The following CLSTN2 variants were observed in gnomAD, a reference collection of about 807,000 sequenced individuals.
CLSTN2 encodes the protein calsyntenin-2.
CLSTN2 carries 48 observed loss-of-function variants against 101.2 expected under a neutral mutation model. That is an observed-to-expected ratio of 0.47 (90% CI 0.38 to 0.60). CLSTN2 has a LOEUF of 0.60. CLSTN2 is among the 20% of genes least tolerant of loss of function. The pLI is 0.00. For synonymous variants in CLSTN2, 481 were observed against 463.6 expected, an observed-to-expected ratio of 1.04 and a Z score of -0.48; for missense variants, 1,160 against 1,238.2, an observed-to-expected ratio of 0.94 and a Z score of 0.95.
chr3:140,169,028 T>G (rs1403664659), intron 1 of CLSTN2, among the ~76,000 whole-genome samples: 1 of 152,124 alleles, frequency 6.6e-6, no homozygotes, highest in African/African-American at 2.4e-5. Flanking sequence ...CTTTCAGAAA[T>G]CCTGCTGGTA....
At chr3:140,324,318 A>G (rs545382313) in intron 2 of CLSTN2, among the ~76,000 whole-genome samples, 9 of 152,362 alleles carry the variant, frequency 5.9e-5, no homozygotes, top group African/African-American at 2.2e-4. Flanking sequence ...AGAAATAATT[A>G]AACAGTCCAT....
intron 1 of CLSTN2, among the ~76,000 whole-genome samples, chr3:139,947,711 T>C (rs775420301): frequency 6.6e-6 from 1 of 152,232 alleles, no homozygotes; most frequent in Non-Finnish European, 1.5e-5. Flanking sequence ...ATTTTGACTT[T>C]ATTGTGCTAT....
At chr3:140,118,415 C>T (rs938712801) in intron 1 of CLSTN2, among the ~76,000 whole-genome samples, 12 of 152,030 alleles carry the variant, frequency 7.9e-5, no homozygotes, top group South Asian at 4.2e-4. Context: ...CAGTGCTTCA[C>T]GATTTGGTCT....
At chr3:140,137,464 G>C (rs912243822) in intron 1 of CLSTN2, among the ~76,000 whole-genome samples, 1 of 151,950 alleles carries the variant, frequency 6.6e-6, no homozygotes, top group Non-Finnish European at 1.5e-5. Flanking sequence ...CATAGTTCTC[G>C]CTCTGTGCTT....
In CLSTN2 at chr3:140,217,725, G is replaced by T. The variant is rs188923330; in HGVS notation, c.232+41652G>T. ...TTCCCTTCCCTTTGGTTTTCTCCCA[G>T]TCAGCTGCTTCTAGAGCAAAGGGGG... On this transcript the variant is annotated intron_variant, in intron 2 of 16. Transcript: ENST00000458420. Among the ~76,000 whole-genome samples the T allele has an allele frequency of 8.5e-5, 13 of 152,262 alleles. No homozygotes were observed. In the East Asian group the frequency reaches 2.5e-3, roughly 29 times the overall value.
At chr3:140,139,013 T>C (rs1419954098) in intron 1 of CLSTN2, among the ~76,000 whole-genome samples, 5 of 152,244 alleles carry the variant, frequency 3.3e-5, no homozygotes, top group African/African-American at 1.2e-4. Flanking sequence ...AAATTAATTA[T>C]TTCTGTCACC....
intron 2 of CLSTN2, among the ~76,000 whole-genome samples, chr3:140,350,387 C>T (rs1307267833): frequency 2.6e-5 from 4 of 152,152 alleles, no homozygotes; most frequent in Non-Finnish European, 5.9e-5. Flanking sequence ...AAAGCTTTGC[C>T]ATGGCCATTG....
intron 7 of CLSTN2, among the ~76,000 whole-genome samples, 158 bp from the exon 8 acceptor site, chr3:140,466,452 G>A (rs533657): frequency 0.29 from 44,738 of 151,950 alleles, 6,736 homozygotes; most frequent in Admixed American, 0.38. Context: ...TATCATGTGC[G>A]TTATAGAACT....
At chr3:140,234,791 T>C (rs2086402371) in intron 2 of CLSTN2, among the ~76,000 whole-genome samples, 1 of 152,322 alleles carries the variant, frequency 6.6e-6, no homozygotes, top group East Asian at 1.9e-4. Context: ...GGTCTCCTTA[T>C]TGCTCCGTGT....
intron 1 of CLSTN2, among the ~76,000 whole-genome samples, chr3:139,989,691 C>T (rs1936086150): frequency 6.6e-6 from 1 of 152,234 alleles, no homozygotes; most frequent in African/African-American, 2.4e-5. Context: ...CTGAGCCTTA[C>T]TGTGTCTGTA....
chr3:140,294,517 T>A (rs1234377228), intron 2 of CLSTN2, among the ~76,000 whole-genome samples: 2 of 151,614 alleles, frequency 1.3e-5, no homozygotes, highest in East Asian at 3.9e-4. Context: ...CTGCTTCCTC[T>A]GCTTCCATTT....
At chr3:140,335,862 T>C (rs2087434633) in intron 2 of CLSTN2, among the ~76,000 whole-genome samples, 2 of 152,266 alleles carry the variant, frequency 1.3e-5, no homozygotes, top group East Asian at 3.9e-4. Flanking sequence ...GCTGTGTGCA[T>C]GTGTATGGCA....
intron 2 of CLSTN2, among the ~76,000 whole-genome samples, chr3:140,290,991 C>A (rs759408839): frequency 6.6e-6 from 1 of 152,138 alleles, no homozygotes; most frequent in Non-Finnish European, 1.5e-5. Context: ...TTAAAAACAA[C>A]ATAAAATTTA....
At chr3:140,029,269 T>A (rs2007496688) in intron 1 of CLSTN2, among the ~76,000 whole-genome samples, 1 of 152,200 alleles carries the variant, frequency 6.6e-6, no homozygotes. Flanking sequence ...TAAATGGAGG[T>A]TTTATGAAAA....
intron 1 of CLSTN2, among the ~76,000 whole-genome samples, chr3:139,955,803 G>C (rs1019878523): frequency 1.3e-5 from 2 of 152,178 alleles, no homozygotes; most frequent in African/African-American, 4.8e-5. Context: ...GGATGGATAG[G>C]GGACATTCGT....
chr3:140,324,855 T>A (rs1437912609), intron 2 of CLSTN2, among the ~76,000 whole-genome samples: 2 of 152,156 alleles, frequency 1.3e-5, no homozygotes, highest in African/African-American at 4.8e-5. Context: ...TGAGAACAGG[T>A]TATATAAACT....
At chr3:140,310,520 G>T (rs1306288824) in intron 2 of CLSTN2, among the ~76,000 whole-genome samples, 1 of 152,122 alleles carries the variant, frequency 6.6e-6, no homozygotes, top group Non-Finnish European at 1.5e-5. Context: ...TGTCATCAAT[G>T]TCTGCAAGCA....
intron 1 of CLSTN2, among the ~76,000 whole-genome samples, chr3:139,957,866 C>A (rs1374161073): frequency 6.6e-6 from 1 of 151,914 alleles, no homozygotes; most frequent in Non-Finnish European, 1.5e-5. Context: ...AGGGGCTGGG[C>A]TAGTGCAGGA....
Position 140,060,584 on chromosome 3 carries a change from G to A in CLSTN2, c.110-115367G>A, listed in dbSNP as rs192325011. ...CCTGGCCCTCGGCAATGGGAAGGCC[G>A]AAGGATGATTGTCATCAGAGCCCAG... On this transcript the variant is annotated intron_variant, in intron 1 of 16. Coordinates refer to ENST00000458420, the MANE Select transcript of CLSTN2 (RefSeq NM_022131.3). Among the ~76,000 whole-genome samples the A allele has an allele frequency of 1.6e-4, 24 of 152,274 alleles. No individual in the cohort carries two copies. In the East Asian group the frequency reaches 1.7e-3, roughly 11 times the overall value.
Sources: gnomAD v4.1 joint callset for allele counts (sites outside exome capture counted in the v4.1 genomes callset) on GRCh38, gnomAD v4.1.1 for gene constraint, MANE v1.5 for transcripts, NCBI Gene and HGNC (gene_info 2026-07-23, HGNC 2026-07-21) for gene names.